The following CSMD1 variants were observed in gnomAD, a reference collection of about 807,000 sequenced individuals.
CSMD1 encodes the protein CUB and Sushi multiple domains 1, also known as CUB and sushi domain-containing protein 1.
Under a neutral mutation model 417.5 loss-of-function variants are expected in CSMD1, and 213 were observed. The ratio of observed to expected loss-of-function variants is 0.51; its 90% CI spans 0.46 to 0.57. The LOEUF (loss-of-function observed/expected upper bound fraction) is 0.57. CSMD1 is among the 20% of genes least tolerant of loss of function. The pLI is 0.00. For missense variants in CSMD1, 6,923 were observed against 4,529.7 expected, an observed-to-expected ratio of 1.53 and a Z score of -15.17; for synonymous variants, 2,862 against 1,736.8, an observed-to-expected ratio of 1.65 and a Z score of -16.11.
intron 1 of CSMD1, among the ~76,000 whole-genome samples, chr8:4,789,119 G>A (rs1279374559): frequency 6.6e-6 from 1 of 152,162 alleles, no homozygotes; most frequent in Non-Finnish European, 1.5e-5. Flanking sequence ...TACCTCTTGG[G>A]ATTCTTGTAA....
At chr8:4,475,600 T>C (rs1328794172) in intron 2 of CSMD1, among the ~76,000 whole-genome samples, 2 of 151,394 alleles carry the variant, frequency 1.3e-5, no homozygotes, top group Admixed American at 1.3e-4. Flanking sequence ...TTCTTAGGGT[T>C]TTTTTTCTTT....
At chr8:3,191,884 G>C (rs541191146) in intron 33 of CSMD1, among the ~76,000 whole-genome samples, 1 of 152,178 alleles carries the variant, frequency 6.6e-6, no homozygotes, top group African/African-American at 2.4e-5. Context: ...CTCAGTCCTT[G>C]TGTTTCTTCA....
Position 4,869,593 on chromosome 8 carries a change from T to G in CSMD1, c.85+124739A>C, listed in dbSNP as rs550870583. On this transcript the variant is annotated intron_variant, in intron 1 of 69. Coordinates refer to ENST00000635120, the MANE Select transcript of CSMD1 (RefSeq NM_033225.6). ...CTATTTTGTGTTAAATGTTGTAGTT[T>G]AGTTAATGATCACATTCTTTAAAAA... Among the ~76,000 whole-genome samples, 16 of 152,086 alleles carry G rather than the reference T, an allele frequency of 1.1e-4. No individual in the cohort carries two copies. In the South Asian group the frequency reaches 2.1e-3, roughly 20 times the overall value.
chr8:4,041,127 C>T (rs1228814204), intron 3 of CSMD1, among the ~76,000 whole-genome samples: 125 of 150,890 alleles, frequency 8.3e-4, no homozygotes, highest in Non-Finnish European at 1.3e-3. Context: ...CGCCATTCTC[C>T]TGCCTCAGCC....
At chr8:3,480,917 G>A (rs1440339199) in intron 11 of CSMD1, among the ~76,000 whole-genome samples, 3 of 152,002 alleles carry the variant, frequency 2.0e-5, no homozygotes, top group Non-Finnish European at 2.9e-5. Flanking sequence ...AGCACTTTGG[G>A]AGGCCGAGGT....
chr8:4,280,065 A>C (rs1796696460), intron 3 of CSMD1, among the ~76,000 whole-genome samples: 2 of 152,274 alleles, frequency 1.3e-5, no homozygotes, highest in Non-Finnish European at 2.9e-5. Flanking sequence ...GCTGAGCGTT[A>C]ACTAACGCGT....
chr8:4,118,277 C>A (rs906778763), intron 3 of CSMD1, among the ~76,000 whole-genome samples: 2 of 151,920 alleles, frequency 1.3e-5, no homozygotes. Flanking sequence ...AAGAAATGCT[C>A]ACATGTGAAG....
At chr8:3,739,178 T>C (rs897806060) in intron 6 of CSMD1, among the ~76,000 whole-genome samples, 22 of 152,214 alleles carry the variant, frequency 1.4e-4, no homozygotes, top group African/African-American at 5.3e-4. Context: ...ATCTGATGCA[T>C]GCCGGATACT....
intron 5 of CSMD1, among the ~76,000 whole-genome samples, chr8:3,949,185 C>T (rs1403288956): frequency 1.3e-5 from 2 of 152,074 alleles, no homozygotes; most frequent in Admixed American, 6.5e-5. Context: ...TGCTTTACAT[C>T]CTTATCATTT....
intron 1 of CSMD1, among the ~76,000 whole-genome samples, chr8:4,823,498 T>C (rs538807111): frequency 2.0e-5 from 3 of 152,102 alleles, no homozygotes; most frequent in East Asian, 3.9e-4. Context: ...ATAATGCATA[T>C]AAACTCACTT....
At chr8:4,195,051 A>T (rs1480445955) in intron 3 of CSMD1, among the ~76,000 whole-genome samples, 2 of 152,334 alleles carry the variant, frequency 1.3e-5, no homozygotes, top group Non-Finnish European at 2.9e-5. Flanking sequence ...TAAAAATTAC[A>T]AAGCAGTATT....
intron 26 of CSMD1, among the ~76,000 whole-genome samples, chr8:3,238,108 C>T (rs957826455): frequency 3.3e-5 from 5 of 151,472 alleles, no homozygotes; most frequent in African/African-American, 9.7e-5. Flanking sequence ...AAGGGAGATA[C>T]GGGTGGGGCC....
intron 26 of CSMD1, among the ~76,000 whole-genome samples, chr8:3,269,456 G>A (rs1258306688): frequency 3.9e-5 from 6 of 152,220 alleles, no homozygotes; most frequent in Non-Finnish European, 8.8e-5. Flanking sequence ...CAGCACCAAA[G>A]GCCTCTCCTG....
At chr8:4,286,774 C>T (rs1308888666) in intron 3 of CSMD1, among the ~76,000 whole-genome samples, 5 of 152,172 alleles carry the variant, frequency 3.3e-5, no homozygotes, top group African/African-American at 4.8e-5. Flanking sequence ...TCTTTCCCAT[C>T]GCCTGTTTGG....
intron 5 of CSMD1, among the ~76,000 whole-genome samples, chr8:3,759,830 C>T (rs1272387227): frequency 6.8e-6 from 1 of 148,066 alleles, no homozygotes; most frequent in African/African-American, 2.5e-5. Context: ...ATTGTTTGAA[C>T]CTGAGAGGCA....
intron 1 of CSMD1, among the ~76,000 whole-genome samples, chr8:4,831,128 T>C (rs1462957827): frequency 6.6e-6 from 1 of 152,156 alleles, no homozygotes; most frequent in Non-Finnish European, 1.5e-5. Context: ...AAAGAAACTG[T>C]AAAACTTCGT....
chr8:4,174,985 T>G (rs1797964235), intron 3 of CSMD1, among the ~76,000 whole-genome samples: 1 of 151,556 alleles, frequency 6.6e-6, no homozygotes, highest in Non-Finnish European at 1.5e-5. Context: ...TTGAGATACT[T>G]GCTGAATTGG....
chr8:4,941,753 T>G (rs1808018282), intron 1 of CSMD1, among the ~76,000 whole-genome samples: 1 of 152,044 alleles, frequency 6.6e-6, no homozygotes. Context: ...CATGTGCCAT[T>G]ATGCCCGACT....
rs141540740 is a variant in CSMD1 at position 3,917,059 on chromosome 8, CATAAT to C, written c.818+80839_818+80843del. On this transcript the variant is annotated intron_variant, in intron 5 of 69. Transcript: ENST00000635120. ...ATTTTCTTCCTCTTTTTGAATGTTA[CATAAT>C]ATGTTTCTTAAGACACCAGGCATTT... 1.2e-3 allele frequency among the ~76,000 whole-genome samples: 178 copies of C among 152,170 alleles called. 4 individuals carry two copies. The East Asian group carries it at 0.03, about 26-fold the overall frequency.
Sources: gnomAD v4.1 joint callset for allele counts (sites outside exome capture counted in the v4.1 genomes callset) on GRCh38, gnomAD v4.1.1 for gene constraint, MANE v1.5 for transcripts, NCBI Gene and HGNC (gene_info 2026-07-23, HGNC 2026-07-21) for gene names.